RHOBTB1: variants seen among roughly 807,000 people sequenced by gnomAD.
RHOBTB1 encodes rho-related BTB domain-containing protein 1.
RHOBTB1 carries 40 observed loss-of-function variants against 71.6 expected under a neutral mutation model. That is an observed-to-expected ratio of 0.56 (90% CI 0.43 to 0.73). RHOBTB1 has a LOEUF of 0.73. Among genes scored for constraint, RHOBTB1 ranks in the 30% least tolerant of loss-of-function variants. RHOBTB1 has a pLI of 0.00. For synonymous variants in RHOBTB1, 319 were observed against 334.9 expected, an observed-to-expected ratio of 0.95 and a Z score of 0.52; for missense variants, 797 against 894.0, an observed-to-expected ratio of 0.89 and a Z score of 1.38.
At chr10:60,967,785 T>C (rs1254889999) in intron 2 of RHOBTB1, among the ~76,000 whole-genome samples, 1 of 152,118 alleles carries the variant, frequency 6.6e-6, no homozygotes, top group African/African-American at 2.4e-5. Context: ...AATGCTGGTG[T>C]TTCTATATTT....
At chr10:60,953,982 C>T (rs201334686) in intron 2 of RHOBTB1, among the ~76,000 whole-genome samples, 1 of 37,574 alleles carries the variant, frequency 2.7e-5, no homozygotes, top group African/African-American at 8.1e-5. Flanking sequence ...TACTTTAACT[C>T]TATTCCATGT....
At chr10:60,868,118 C>A (rs2080647800), downstream of RHOBTB1, among the ~76,000 whole-genome samples, 1 of 152,026 alleles carries the variant, frequency 6.6e-6, no homozygotes. Context: ...TTTCTGGTTA[C>A]ACACACATAG....
Position 60,892,818 on chromosome 10 carries a change from CG to C in RHOBTB1, c.473del (p.Pro158ArgfsTer2). On this transcript the variant is annotated frameshift_variant, in exon 5 of 11. Transcript: ENST00000337910. LOFTEE classifies it high-confidence loss of function. Reference protein sequence around the residue: ...DLEAVNRARRPLARPIKRGDI... With the variant: ...DLEAVNRARRXLARPIKRGDI... ...TGAGTCCCTTGGCTTACCTTGCTAACGGGCGCCTGGCTCGATTAACAGCTTC... is the reference window on the plus strand; with the variant it reads ...TGAGTCCCTTGGCTTACCTTGCTAACGGCGCCTGGCTCGATTAACAGCTTC... 1 of 1,611,846 alleles carries C rather than the reference CG, an allele frequency of 6.2e-7. No individual in the cohort carries two copies. The highest frequency in any genetic ancestry group is 8.5e-7 in the Non-Finnish European group (1 of 1,179,094).
chr10:60,910,831 G>C (rs2082928596), intron 4 of RHOBTB1, 56 bp downstream of exon 4: 1 of 1,324,766 alleles, frequency 7.5e-7, no homozygotes, highest in South Asian at 1.2e-5. Context: ...CCCGCTGCTG[G>C]TTTTGAAAAG....
intron 6 of RHOBTB1, 143 bp from the exon 7 acceptor site, chr10:60,886,373 TC>T (rs2081576388): frequency 1.6e-6 from 1 of 624,556 alleles, no homozygotes. Flanking sequence ...TCAATCCCCA[TC>T]TTTGAGCTTT....
At chr10:60,975,092 G>A (rs2086273666) in intron 2 of RHOBTB1, among the ~76,000 whole-genome samples, 1 of 151,918 alleles carries the variant, frequency 6.6e-6, no homozygotes, top group South Asian at 2.1e-4. Context: ...ATAAAAATAT[G>A]TCCATCAAGC....
At chr10:60,927,524 C>A (rs2083956583) in intron 2 of RHOBTB1, among the ~76,000 whole-genome samples, 1 of 152,080 alleles carries the variant, frequency 6.6e-6, no homozygotes, top group South Asian at 2.1e-4. Flanking sequence ...ACACACTGAC[C>A]AATGGAAGAG....
rs779919751 is a variant in RHOBTB1 at position 60,888,997 on chromosome 10, A to G, written c.671T>C (p.Val224Ala). The G allele has an allele frequency of 3.1e-6, 5 of 1,613,936 alleles. No homozygotes were observed. In the African/African-American group the frequency reaches 4.0e-5, roughly 13 times the overall value. The change falls in exon 6 of 11, where the codon GTC becomes GCC. Residue 224 changes from valine (V) to alanine (A), a missense_variant. Physicochemically the swap from Val to Ala is moderately conservative, Grantham distance 64 (BLOSUM62 0). This residue lies in a region of RHOBTB1 where 658 missense variants were observed against 681.5 expected (regional missense o/e 0.97). Coordinates refer to ENST00000337910, the MANE Select transcript of RHOBTB1 (RefSeq NM_014836.5). ...LQFWKSHLKK[V>A]QKPLLQAPFL... ...GGGTGCCTGAAGTAAAGGTTTCTGG[A>G]CTTTCTTTAGGTGGGATTTCCAGAA...
intron 4 of RHOBTB1, among the ~76,000 whole-genome samples, chr10:60,905,149 T>C (rs936595001): frequency 7.1e-6 from 1 of 140,010 alleles, no homozygotes; most frequent in Non-Finnish European, 1.6e-5. Context: ...AGATAATACT[T>C]AAAAAAAAAA....
chr10:60,896,335 G>C (rs1221186831), intron 4 of RHOBTB1, among the ~76,000 whole-genome samples: 1 of 152,212 alleles, frequency 6.6e-6, no homozygotes, highest in Non-Finnish European at 1.5e-5. Context: ...ATTGGGAGTG[G>C]TGAGTGTGAT....
intron 2 of RHOBTB1, among the ~76,000 whole-genome samples, chr10:60,982,953 A>G (rs73268011): frequency 0.024 from 3,590 of 152,216 alleles, 144 homozygotes; most frequent in African/African-American, 0.081. Flanking sequence ...ACATGACATA[A>G]GGCACAGAAC....
At chr10:60,918,522 G>A (rs186753833) in intron 2 of RHOBTB1, among the ~76,000 whole-genome samples, 24 of 152,266 alleles carry the variant, frequency 1.6e-4, no homozygotes, top group Non-Finnish European at 4.4e-5. Flanking sequence ...TCAGACAGGC[G>A]CACTTCAGTG....
downstream of RHOBTB1, among the ~76,000 whole-genome samples, chr10:60,868,863 T>G (rs1253943297): frequency 6.6e-6 from 1 of 152,228 alleles, no homozygotes; most frequent in African/African-American, 2.4e-5. Flanking sequence ...GACATCTCAT[T>G]GTTTTCTTTT....
In RHOBTB1 at chr10:60,899,523, A is replaced by T. The variant is rs148498705; in HGVS notation, c.297-6528T>A. 1.8e-3 allele frequency among the ~76,000 whole-genome samples: 271 copies of T among 152,326 alleles called. 1 individual carries two copies. Among genetic ancestry groups the T allele is most frequent in the African/African-American group, 5.3e-3 (220 of 41,570 alleles). ...ACTCTTCTGAGACCAAACTGGGTAA[A>T]CCAGCACGATCATTTGACCATGATG... On this transcript the variant is annotated intron_variant, in intron 4 of 10. Transcript: ENST00000337910.
In RHOBTB1 at chr10:61,001,082, G is replaced by A. The variant is rs555195367; in HGVS notation, c.-163+317C>T. 5.6e-4 allele frequency among the ~76,000 whole-genome samples: 85 copies of A among 151,134 alleles called. 1 individual carries two copies. In the East Asian group the frequency reaches 0.012, roughly 21 times the overall value. On this transcript the variant is annotated intron_variant, in intron 1 of 11. Coordinates refer to the RHOBTB1 transcript ENST00000357917. ...TGTGAGTGCGCGCGCGCGCACGCGT[G>A]TGTGTGTGTGTGTGTGCTGGGGGAC...
chr10:60,934,134 A>T (rs2084426775), intron 2 of RHOBTB1, among the ~76,000 whole-genome samples: 1 of 152,218 alleles, frequency 6.6e-6, no homozygotes, highest in African/African-American at 2.4e-5. Context: ...AGGAAATAAA[A>T]TATCTTTGTG....
At chr10:60,960,999 A>G (rs759523005) in intron 2 of RHOBTB1, among the ~76,000 whole-genome samples, 3 of 152,018 alleles carry the variant, frequency 2.0e-5, no homozygotes, top group Non-Finnish European at 1.5e-5. Flanking sequence ...ATGGGGATTC[A>G]CTAACTCTAT....
chr10:60,881,093 A>G (rs1202151294), intron 7 of RHOBTB1, among the ~76,000 whole-genome samples: 2 of 152,186 alleles, frequency 1.3e-5, no homozygotes, highest in Admixed American at 6.5e-5. Context: ...GATAGTGAAT[A>G]AGTCTCATGA....
At position 60,901,191 on chromosome 10, in the gene RHOBTB1, C is replaced by T. The variant is rs78249234; in HGVS notation, c.297-8196G>A. 2.6e-5 allele frequency among the ~76,000 whole-genome samples: 4 copies of T among 152,294 alleles called. No individual in the cohort carries two copies. In the East Asian group the frequency reaches 5.8e-4, roughly 22 times the overall value. ...GAATTCACTAATGTGATTTCTGTGTCTGCAATTCAGAACTTCCTCCTTCTG... is the reference window on the plus strand; with the variant it reads ...GAATTCACTAATGTGATTTCTGTGTTTGCAATTCAGAACTTCCTCCTTCTG... On this transcript the variant is annotated intron_variant, in intron 4 of 10. Coordinates refer to ENST00000337910, the MANE Select transcript of RHOBTB1 (RefSeq NM_014836.5).
Sources: gnomAD v4.1 joint callset for allele counts (sites outside exome capture counted in the v4.1 genomes callset) on GRCh38, gnomAD v4.1.1 for gene constraint, gnomAD v4.1.1 regional missense constraint, MANE v1.5 for transcripts, NCBI Gene and HGNC (gene_info 2026-07-23, HGNC 2026-07-21) for gene names.